The following SORCS1 variants were observed in gnomAD, a reference collection of about 807,000 sequenced individuals.
SORCS1 encodes sortilin related VPS10 domain containing receptor 1, also known as VPS10 domain-containing receptor SorCS1.
A neutral mutation model predicts 146.1 loss-of-function variants in SORCS1; 60 were observed. The ratio of observed to expected loss-of-function variants is 0.41; its 90% CI spans 0.33 to 0.51. SORCS1 has a LOEUF of 0.51. Among genes scored for constraint, SORCS1 ranks in the 20% least tolerant of loss-of-function variants. The pLI, the probability that SORCS1 is intolerant of heterozygous loss-of-function variation, is 0.21. For missense variants in SORCS1, 1,352 were observed against 1,487.6 expected (o/e 0.91, Z 1.50); for synonymous variants, 637 against 584.0 (o/e 1.09, Z -1.31).
intron 3 of SORCS1, among the ~76,000 whole-genome samples, chr10:106,820,096 C>T (rs1947938211): frequency 6.6e-6 from 1 of 152,036 alleles, no homozygotes; most frequent in Admixed American, 6.6e-5. Context: ...TTTTACATAT[C>T]TTTTGTTTTT....
chr10:107,158,131 A>G (rs1255040549), intron 1 of SORCS1, among the ~76,000 whole-genome samples: 5 of 152,238 alleles, frequency 3.3e-5, no homozygotes, highest in Non-Finnish European at 7.3e-5. Flanking sequence ...TGTGGAAAGT[A>G]TCAAGGTAAA....
In SORCS1 at chr10:106,957,154, G is replaced by GTT. The variant is rs1564852696; in HGVS notation, c.559-575_559-574insAA. ...ACAAATTACATATCTATTAGCATGTGGTTTTTTTTTGTTTTTTTTGTTTTT... is the reference window on the plus strand; with the variant it reads ...ACAAATTACATATCTATTAGCATGTGTTGTTTTTTTTTGTTTTTTTTGTTTTT... On this transcript the variant is annotated intron_variant, in intron 1 of 25. Transcript: ENST00000263054. Among the ~76,000 whole-genome samples the GTT allele has an allele frequency of 1.9e-4, 13 of 69,686 alleles. No homozygotes were observed. In the East Asian group the frequency reaches 6.8e-3, roughly 37 times the overall value. The allele number at this position is 69,686 out of a possible 152,430, so 45.7% of individuals were successfully genotyped here.
At chr10:107,041,769 T>C (rs1480603964) in intron 1 of SORCS1, among the ~76,000 whole-genome samples, 1 of 152,180 alleles carries the variant, frequency 6.6e-6, no homozygotes, top group Non-Finnish European at 1.5e-5. Context: ...GCTAAGGCAC[T>C]ACATTTGAAA....
intron 19 of SORCS1, 55 bp downstream of exon 19, chr10:106,629,147 T>G (rs1848279002): frequency 6.7e-7 from 1 of 1,489,778 alleles, no homozygotes; most frequent in African/African-American, 1.4e-5. Context: ...GAATTCAATT[T>G]GAAAAGGACA....
chr10:107,033,395 A>C (rs1958756978), intron 1 of SORCS1, among the ~76,000 whole-genome samples: 1 of 152,170 alleles, frequency 6.6e-6, no homozygotes, highest in Non-Finnish European at 1.5e-5. Flanking sequence ...AACCAGTATA[A>C]TGTGCCATGC....
At chr10:106,885,906 G>A (rs1316798827) in intron 2 of SORCS1, among the ~76,000 whole-genome samples, 2 of 152,094 alleles carry the variant, frequency 1.3e-5, no homozygotes, top group Non-Finnish European at 2.9e-5. Context: ...CATAAGACGT[G>A]CCTTTCACCT....
Position 106,643,481 on chromosome 10 carries a change from C to T in SORCS1, c.2475+8901G>A, listed in dbSNP as rs554268941. Among the ~76,000 whole-genome samples the T allele has an allele frequency of 3.9e-5, 6 of 152,342 alleles. No individual in the cohort carries two copies. In the South Asian group the frequency reaches 8.3e-4, roughly 21 times the overall value. On this transcript the variant is annotated intron_variant, in intron 18 of 25. Coordinates refer to ENST00000263054, the MANE Select transcript of SORCS1 (RefSeq NM_052918.5). ...CAAGGAGGAGTCTGAATCATTAGCA[C>T]AGCATCTCACAATCACATGTGAGGT...
At chr10:106,984,232 G>A (rs75769132) in intron 1 of SORCS1, among the ~76,000 whole-genome samples, 33,811 of 152,008 alleles carry the variant, frequency 0.22, 4,563 homozygotes, top group Middle Eastern at 0.33. Flanking sequence ...GGCATCTTAT[G>A]GGTAAGAGTG....
chr10:106,841,653 T>C (rs1156288812), intron 2 of SORCS1, among the ~76,000 whole-genome samples: 1 of 152,244 alleles, frequency 6.6e-6, no homozygotes, highest in East Asian at 1.9e-4. Context: ...CCACAGTATC[T>C]GAGGTATGCC....
chr10:107,136,388 G>A (rs1967303738), intron 1 of SORCS1, among the ~76,000 whole-genome samples: 1 of 152,080 alleles, frequency 6.6e-6, no homozygotes. Flanking sequence ...CCAAGTTATG[G>A]GTTCCACATA....
At chr10:106,754,123 T>C (rs1858463857) in intron 5 of SORCS1, among the ~76,000 whole-genome samples, 1 of 152,204 alleles carries the variant, frequency 6.6e-6, no homozygotes, top group Non-Finnish European at 1.5e-5. Flanking sequence ...TTTCTGTCCA[T>C]GTGGTTTAGT....
At chr10:106,603,007 A>T (rs769230238) in intron 23 of SORCS1, among the ~76,000 whole-genome samples, 1 of 152,058 alleles carries the variant, frequency 6.6e-6, no homozygotes, top group South Asian at 2.1e-4. Flanking sequence ...AGAAATATAT[A>T]TATTTTTGTG....
chr10:106,714,666 A>G (rs12248376), intron 6 of SORCS1, among the ~76,000 whole-genome samples: 5,686 of 152,272 alleles, frequency 0.037, 317 homozygotes, highest in African/African-American at 0.12. Flanking sequence ...CAGGAAAAAT[A>G]AATAAAAGAT....
Position 106,618,185 on chromosome 10 carries a change from C to T in SORCS1, c.2884G>A (p.Ala962Thr). ...ATGGTCTTTGTGTCTTGTAGGATGG[C>T]ATTCCCAGCTGAGACCTGCACTGTG... ...TITVQVSAGN[A>T]ILQDTKTIAV... The change falls in exon 21 of 26, where the codon GCC becomes ACC. Residue 962 changes from alanine (A) to threonine (T), a missense_variant. Ala to Thr is a moderately conservative substitution (Grantham distance 58). Transcript: ENST00000263054. 6.2e-7 allele frequency: 1 copy of T among 1,614,114 alleles called. No individual in the cohort carries two copies. The highest frequency in any genetic ancestry group is 2.2e-5 in the East Asian group (1 of 44,868).
chr10:106,919,701 G>T (rs566577299), intron 2 of SORCS1, among the ~76,000 whole-genome samples: 4 of 151,798 alleles, frequency 2.6e-5, no homozygotes, highest in African/African-American at 7.3e-5. Flanking sequence ...TTTAGTTCTT[G>T]CTTCTAGCAA....
At chr10:107,011,266 C>T (rs1400082988) in intron 1 of SORCS1, among the ~76,000 whole-genome samples, 6 of 152,166 alleles carry the variant, frequency 3.9e-5, no homozygotes, top group Non-Finnish European at 7.3e-5. Flanking sequence ...CTTGTCAGTT[C>T]GTATTCCTTA....
chr10:106,928,272 C>T (rs1385194917), intron 2 of SORCS1, among the ~76,000 whole-genome samples: 3 of 152,216 alleles, frequency 2.0e-5, no homozygotes, highest in African/African-American at 4.8e-5. Flanking sequence ...TAAGGCCAGG[C>T]GAGAAATCGA....
At chr10:106,737,048 T>A (rs77462865) in intron 5 of SORCS1, among the ~76,000 whole-genome samples, 132 of 55,194 alleles carry the variant, frequency 2.4e-3, no homozygotes, top group Non-Finnish European at 2.1e-3. Flanking sequence ...TGTGTGTGTG[T>A]GTGTGCATGT....
intron 1 of SORCS1, among the ~76,000 whole-genome samples, chr10:106,957,569 T>C (rs1274582843): frequency 6.6e-6 from 1 of 152,136 alleles, no homozygotes; most frequent in African/African-American, 2.4e-5. Context: ...AGCCATTAAA[T>C]AGAAGCCACA....
Sources: gnomAD v4.1 joint callset for allele counts (sites outside exome capture counted in the v4.1 genomes callset) on GRCh38, gnomAD v4.1.1 for gene constraint, MANE v1.5 for transcripts, NCBI Gene and HGNC (gene_info 2026-07-23, HGNC 2026-07-21) for gene names.